SLC2A13: variants seen among roughly 807,000 people sequenced by gnomAD.
SLC2A13 encodes the protein solute carrier family 2 member 13, also known as proton myo-inositol cotransporter.
SLC2A13 carries 32 observed loss-of-function variants against 64.4 expected under a neutral mutation model. The observed-to-expected ratio is 0.50, with a 90% CI of 0.37 to 0.67. The LOEUF (loss-of-function observed/expected upper bound fraction) is 0.67. Ranked by LOEUF, SLC2A13 falls within the 30% of genes least tolerant of loss-of-function variation. The pLI, the probability that SLC2A13 is intolerant of heterozygous loss-of-function variation, is 0.00. For synonymous variants in SLC2A13, 338 were observed against 327.1 expected (o/e 1.03, Z -0.36); for missense variants, 743 against 829.2 (o/e 0.90, Z 1.28).
chr12:39,879,162 A>G (rs1944274180), intron 4 of SLC2A13, among the ~76,000 whole-genome samples: 1 of 152,224 alleles, frequency 6.6e-6, no homozygotes, highest in African/African-American at 2.4e-5. Flanking sequence ...AAGATTTTGG[A>G]GGATGCGTGA....
At chr12:40,006,439 A>C (rs1947419926) in intron 3 of SLC2A13, among the ~76,000 whole-genome samples, 1 of 152,220 alleles carries the variant, frequency 6.6e-6, no homozygotes, top group African/African-American at 2.4e-5. Flanking sequence ...TGTGGTAAGG[A>C]TTAAACAAAA....
chr12:39,859,944 C>A (rs1943713785), intron 6 of SLC2A13, among the ~76,000 whole-genome samples: 1 of 152,162 alleles, frequency 6.6e-6, no homozygotes, highest in Admixed American at 6.5e-5. Flanking sequence ...AGGTAATATG[C>A]TAGGCATCAT....
intron 2 of SLC2A13, among the ~76,000 whole-genome samples, chr12:40,040,826 C>A (rs1271955450): frequency 6.6e-6 from 1 of 152,122 alleles, no homozygotes; most frequent in Admixed American, 6.5e-5. Context: ...TCATATAGAG[C>A]CAAGTACCAC....
In SLC2A13 at chr12:39,767,636, T is replaced by G. The variant is rs187331311; in HGVS notation, c.1446-2778A>C. Among the ~76,000 whole-genome samples, 4 of 152,160 alleles carry G rather than the reference T, an allele frequency of 2.6e-5. No homozygotes were observed. The East Asian group carries it at 7.8e-4, about 30-fold the overall frequency. On this transcript the variant is annotated intron_variant, in intron 7 of 9. Coordinates refer to ENST00000280871, the MANE Select transcript of SLC2A13 (RefSeq NM_052885.4). ...TCATCTACATTGAAAAATCTGTTGT[T>G]TAGTATAGCCACCTGATATGGTTTA... is the stretch of plus-strand genomic sequence containing the variant.
intron 4 of SLC2A13, among the ~76,000 whole-genome samples, chr12:39,925,195 C>T (rs1033178480): frequency 1.3e-5 from 2 of 151,814 alleles, no homozygotes; most frequent in African/African-American, 4.8e-5. Context: ...TCATGCCCGG[C>T]TAATTTTGTA....
rs574971166 is a variant in SLC2A13, at chr12:40,097,620, C to T, written c.556+7633G>A. 1.9e-4 allele frequency among the ~76,000 whole-genome samples: 29 copies of T among 152,168 alleles called. No individual in the cohort carries two copies. In the South Asian group the frequency reaches 6.0e-3, roughly 32 times the overall value. On this transcript the variant is annotated intron_variant, in intron 1 of 9. Transcript: ENST00000280871. The stretch of plus-strand genomic sequence containing the variant: ...ACAAATGTACAAGTGGCCAACAAGC[C>T]TATGAAAAAATGTTCCACATCACTA...
intron 4 of SLC2A13, among the ~76,000 whole-genome samples, chr12:39,916,203 G>A (rs1945519025): frequency 6.6e-6 from 1 of 151,792 alleles, no homozygotes; most frequent in East Asian, 1.9e-4. Context: ...TAAGTTCCAT[G>A]ATGTCACAGA....
intron 7 of SLC2A13, among the ~76,000 whole-genome samples, chr12:39,824,104 A>G (rs560429813): frequency 1.2e-3 from 189 of 152,352 alleles, no homozygotes; most frequent in African/African-American, 4.2e-3. Flanking sequence ...AAAACAATGC[A>G]GAATATAGAA....
chr12:39,781,526 A>G (rs1474597550), intron 7 of SLC2A13, among the ~76,000 whole-genome samples: 3 of 152,204 alleles, frequency 2.0e-5, no homozygotes, highest in Non-Finnish European at 2.9e-5. Flanking sequence ...CATTTTCACC[A>G]TTTCACAAAT....
At chr12:39,764,039 A>T (rs1281012519) in intron 9 of SLC2A13, among the ~76,000 whole-genome samples, 1 of 152,134 alleles carries the variant, frequency 6.6e-6, no homozygotes, top group East Asian at 1.9e-4. Context: ...AGCCCTACGC[A>T]GATTCTGCTC....
chr12:40,087,503 A>G (rs1938622555), intron 1 of SLC2A13, among the ~76,000 whole-genome samples: 1 of 152,212 alleles, frequency 6.6e-6, no homozygotes, highest in African/African-American at 2.4e-5. Context: ...CTCCTGGAAG[A>G]GTGTTACCTA....
At chr12:39,891,819 C>G (rs757309344) in intron 4 of SLC2A13, among the ~76,000 whole-genome samples, 2 of 152,168 alleles carry the variant, frequency 1.3e-5, no homozygotes, top group Non-Finnish European at 2.9e-5. Flanking sequence ...CAGTCTTTTC[C>G]AGGCATTCAG....
intron 4 of SLC2A13, among the ~76,000 whole-genome samples, chr12:39,886,040 C>T (rs1485037743): frequency 6.6e-6 from 1 of 152,126 alleles, no homozygotes; most frequent in Non-Finnish European, 1.5e-5. Context: ...TTTACTGCTT[C>T]TTCATGTGTT....
chr12:39,784,882 T>C (rs1467028719), intron 7 of SLC2A13, among the ~76,000 whole-genome samples: 1 of 152,204 alleles, frequency 6.6e-6, no homozygotes, highest in Non-Finnish European at 1.5e-5. Flanking sequence ...TTTGTGGAAC[T>C]TTCAACTTGA....
chr12:39,894,898 G>A (rs551241462), intron 4 of SLC2A13, among the ~76,000 whole-genome samples: 4 of 152,258 alleles, frequency 2.6e-5, no homozygotes, highest in East Asian at 1.9e-4. Flanking sequence ...TGAAACCATC[G>A]GATGCTTACA....
chr12:39,986,673 AG>A (rs1947037329), intron 3 of SLC2A13, among the ~76,000 whole-genome samples: 1 of 151,604 alleles, frequency 6.6e-6, no homozygotes, highest in Non-Finnish European at 1.5e-5. Flanking sequence ...AAAAAAAAAA[AG>A]ATTTTTTAAA....
intron 7 of SLC2A13, among the ~76,000 whole-genome samples, chr12:39,794,244 C>T (rs1326815818): frequency 6.6e-6 from 1 of 151,588 alleles, no homozygotes; most frequent in East Asian, 1.9e-4. Context: ...TGTGTTTTTC[C>T]CCTATAAAAC....
intron 6 of SLC2A13, among the ~76,000 whole-genome samples, chr12:39,862,965 A>G (rs1943800883): frequency 6.6e-6 from 1 of 152,178 alleles, no homozygotes; most frequent in Admixed American, 6.6e-5. Context: ...AAAACCCAGT[A>G]AGCGGACTGC....
chr12:39,812,337 T>TTTTTCTTTTATTTTC (rs1942188640), intron 7 of SLC2A13, among the ~76,000 whole-genome samples: 1 of 135,188 alleles, frequency 7.4e-6, no homozygotes, highest in African/African-American at 3.0e-5. Flanking sequence ...ACTAATTTCT[T>TTTTTCTTTTATTTTC]TTTTCTTTTC....
Sources: gnomAD v4.1 joint callset for allele counts (sites outside exome capture counted in the v4.1 genomes callset) on GRCh38, gnomAD v4.1.1 for gene constraint, MANE v1.5 for transcripts, NCBI Gene and HGNC (gene_info 2026-07-23, HGNC 2026-07-21) for gene names.